SOBP: variants seen among roughly 807,000 people sequenced by gnomAD.
The protein encoded by SOBP is sine oculis binding protein homolog, also known as sine oculis-binding protein homolog.
In SOBP, 4 loss-of-function variants were observed where a neutral mutation model predicts 53.6. The observed-to-expected ratio is 0.07, with a 90% CI of 0.04 to 0.17. SOBP has a LOEUF of 0.17. Ranked by LOEUF, SOBP falls within the 10% of genes least tolerant of loss-of-function variation. SOBP has a pLI of 1.00. For missense variants in SOBP, 1,088 were observed against 1,204.7 expected, an observed-to-expected ratio of 0.90 and a Z score of 1.43; for synonymous variants, 584 against 522.6, an observed-to-expected ratio of 1.12 and a Z score of -1.60.
At chr6:107,598,181 A>T (rs1161290829) in intron 5 of SOBP, among the ~76,000 whole-genome samples, 4 of 152,252 alleles carry the variant, frequency 2.6e-5, no homozygotes, top group Non-Finnish European at 5.9e-5. Flanking sequence ...ACTTTAAAAA[A>T]AAAAGTTTAC....
chr6:107,630,097 A>G (rs1214516407), intron 5 of SOBP, among the ~76,000 whole-genome samples: 1 of 152,206 alleles, frequency 6.6e-6, no homozygotes, highest in Non-Finnish European at 1.5e-5. Flanking sequence ...AGTGGAACCA[A>G]AGAGGCCAGA....
At chr6:107,591,979 T>TTG (rs1243363143) in intron 5 of SOBP, among the ~76,000 whole-genome samples, 4 of 147,258 alleles carry the variant, frequency 2.7e-5, no homozygotes, top group African/African-American at 5.1e-5. Context: ...TTTTTTTTTT[T>TTG]TTTTTTTTTT....
chr6:107,580,895 G>A (rs1785381583), intron 4 of SOBP, among the ~76,000 whole-genome samples: 1 of 152,196 alleles, frequency 6.6e-6, no homozygotes, highest in Admixed American at 6.5e-5. Context: ...GAGCCGTGCT[G>A]AGACTCGGGT....
intron 3 of SOBP, chr6:107,510,467 A>T (rs1243950088): frequency 6.6e-6 from 1 of 152,232 alleles, no homozygotes; most frequent in Non-Finnish European, 1.5e-5. Flanking sequence ...TAAATGAATG[A>T]ATGACTGATA....
chr6:107,571,812 A>G (rs1329736613), intron 4 of SOBP, among the ~76,000 whole-genome samples: 1 of 152,224 alleles, frequency 6.6e-6, no homozygotes. Context: ...CTAAACTAAT[A>G]CAATTTCATT....
chr6:107,595,764 AT>A (rs1785925631), intron 5 of SOBP, among the ~76,000 whole-genome samples: 2 of 152,280 alleles, frequency 1.3e-5, no homozygotes, highest in Admixed American at 6.5e-5. Context: ...AGTATAAAAA[AT>A]ATTTGAAGTG....
chr6:107,591,968 GTTTTTTTTTT>G (rs56210027), intron 5 of SOBP, among the ~76,000 whole-genome samples: 15 of 88,658 alleles, frequency 1.7e-4, no homozygotes, highest in East Asian at 5.4e-4. Flanking sequence ...GTCTTTTGGT[GTTTTTTTTTT>G]TTTTTTTTTT....
At chr6:107,517,067 TGAA>T (rs1783342269) in intron 3 of SOBP, among the ~76,000 whole-genome samples, 1 of 152,100 alleles carries the variant, frequency 6.6e-6, no homozygotes, top group Non-Finnish European at 1.5e-5. Context: ...CAAACAATCT[TGAA>T]GAAAAAAATA....
chr6:107,603,870 T>C (rs891508868), intron 5 of SOBP, among the ~76,000 whole-genome samples: 3 of 152,092 alleles, frequency 2.0e-5, no homozygotes, highest in African/African-American at 7.2e-5. Flanking sequence ...AGGAAATAAC[T>C]TTGGATTGAA....
chr6:107,555,426 A>T (rs145878547), intron 4 of SOBP, among the ~76,000 whole-genome samples: 7 of 152,228 alleles, frequency 4.6e-5, no homozygotes, highest in Admixed American at 6.5e-5. Context: ...TTTTTTGATC[A>T]CAGATCATTT....
At chr6:107,625,439 G>A (rs958466570) in intron 5 of SOBP, among the ~76,000 whole-genome samples, 19 of 152,244 alleles carry the variant, frequency 1.2e-4, no homozygotes, top group African/African-American at 3.9e-4. Context: ...CAAGCAATCA[G>A]TATGTAGTTG....
At chr6:107,542,209 G>T (rs1261631549) in intron 4 of SOBP, among the ~76,000 whole-genome samples, 1 of 152,118 alleles carries the variant, frequency 6.6e-6, no homozygotes, top group Non-Finnish European at 1.5e-5. Context: ...CATATCTGAG[G>T]ATCACAGGAG....
chr6:107,504,121 T>C (rs149486678), intron 2 of SOBP, among the ~76,000 whole-genome samples: 56 of 152,362 alleles, frequency 3.7e-4, no homozygotes, highest in African/African-American at 1.2e-3. Context: ...ATCACTTTGA[T>C]AGATCATCAT....
chr6:107,646,088 T>A (rs1334878507), intron 6 of SOBP, among the ~76,000 whole-genome samples: 1 of 152,212 alleles, frequency 6.6e-6, no homozygotes, highest in Non-Finnish European at 1.5e-5. Context: ...CTTGAGCAGC[T>A]CTTTGTAGAC....
intron 4 of SOBP, among the ~76,000 whole-genome samples, chr6:107,578,770 G>GT (rs1785315463): frequency 6.6e-6 from 1 of 152,142 alleles, no homozygotes; most frequent in Non-Finnish European, 1.5e-5. Context: ...TTAGTACTGT[G>GT]TTTTTTAATC....
At chr6:107,581,189 G>A (rs559529307) in intron 4 of SOBP, among the ~76,000 whole-genome samples, 2 of 152,190 alleles carry the variant, frequency 1.3e-5, no homozygotes, top group Non-Finnish European at 2.9e-5. Flanking sequence ...GGTGTGGAAT[G>A]GAAATACAGG....
chr6:107,655,995 C>T (rs1375236955), intron 6 of SOBP, among the ~76,000 whole-genome samples: 1 of 152,162 alleles, frequency 6.6e-6, no homozygotes, highest in African/African-American at 2.4e-5. Context: ...GTTAAACATT[C>T]TCCCTCCTCC....
At chr6:107,636,748 C>T (rs1279540067) in intron 6 of SOBP, among the ~76,000 whole-genome samples, 3 of 152,040 alleles carry the variant, frequency 2.0e-5, no homozygotes, top group Admixed American at 6.6e-5. Context: ...AGGAAGGAAG[C>T]GGGGGCCAGG....
chr6:107,514,387 T>C (rs1783257216), intron 3 of SOBP: 1 of 152,158 alleles, frequency 6.6e-6, no homozygotes, highest in Admixed American at 6.5e-5. Flanking sequence ...TGAAACTTAA[T>C]ATAGGCTAGA....
Sources: gnomAD v4.1 joint callset for allele counts (sites outside exome capture counted in the v4.1 genomes callset) on GRCh38, gnomAD v4.1.1 for gene constraint, MANE v1.5 for transcripts, NCBI Gene and HGNC (gene_info 2026-07-23, HGNC 2026-07-21) for gene names.